Variants in WDR7 observed in about 807,000 individuals in gnomAD.
WDR7 encodes WD repeat domain 7, also known as WD repeat-containing protein 7.
Under a neutral mutation model 169.4 loss-of-function variants are expected in WDR7, and 46 were observed. The ratio of observed to expected loss-of-function variants is 0.27; its 90% CI spans 0.21 to 0.35. WDR7 has a LOEUF of 0.35. WDR7 is among the 10% of genes least tolerant of loss of function. WDR7 has a pLI of 1.00. For synonymous variants in WDR7, 612 were observed against 666.8 expected (o/e 0.92, Z 1.27); for missense variants, 1,534 against 1,859.3 (o/e 0.83, Z 3.22).
intron 26 of WDR7, among the ~76,000 whole-genome samples, chr18:56,969,173 T>C (rs2047450493): frequency 6.6e-6 from 1 of 152,224 alleles, no homozygotes; most frequent in African/African-American, 2.4e-5. Context: ...GCATCCTTTC[T>C]AACCTGCCTT....
chr18:56,866,572 A>G (rs1040810461), intron 20 of WDR7, among the ~76,000 whole-genome samples: 3 of 152,138 alleles, frequency 2.0e-5, no homozygotes, highest in African/African-American at 7.2e-5. Flanking sequence ...AATCAAAAAC[A>G]TTGGATTAAG....
intron 2 of WDR7, among the ~76,000 whole-genome samples, chr18:56,678,023 C>T (rs1408660668): frequency 9.9e-5 from 15 of 152,112 alleles, no homozygotes; most frequent in African/African-American, 3.4e-4. Context: ...TTTCTTTTCT[C>T]TGCTTGATCA....
intron 20 of WDR7, among the ~76,000 whole-genome samples, chr18:56,856,191 T>C (rs2045719042): frequency 6.6e-6 from 1 of 152,176 alleles, no homozygotes; most frequent in African/African-American, 2.4e-5. Context: ...AGATGGGCCT[T>C]TGTGTATATT....
At chr18:56,660,514 C>A (rs1338982182) in intron 1 of WDR7, among the ~76,000 whole-genome samples, 1 of 151,982 alleles carries the variant, frequency 6.6e-6, no homozygotes, top group Non-Finnish European at 1.5e-5. Flanking sequence ...TAAAACACTT[C>A]TGATCCCAAG....
intron 13 of WDR7, among the ~76,000 whole-genome samples, chr18:56,719,108 C>G (rs954791356): frequency 6.6e-6 from 1 of 152,178 alleles, no homozygotes; most frequent in Non-Finnish European, 1.5e-5. Context: ...ACCTTTCTTT[C>G]TCTTGTCTCT....
chr18:56,918,781 T>A (rs2046667646), intron 21 of WDR7, among the ~76,000 whole-genome samples: 1 of 152,236 alleles, frequency 6.6e-6, no homozygotes, highest in South Asian at 2.1e-4. Context: ...TAATTTTGAC[T>A]GTGCTAGGCA....
Position 56,935,867 on chromosome 18 carries a change from G to C in WDR7, c.3793G>C (p.Ala1265Pro). ...ARHALSLIAT[A>P]RPPAFITTIA... Reference sequence around the variant, plus strand: ...GCATGCCCTCTCGCTCATTGCCACCGCCAGACCACCCGCCTTCATCACCAC... The same window carrying C: ...GCATGCCCTCTCGCTCATTGCCACCCCCAGACCACCCGCCTTCATCACCAC... The change falls in exon 23 of 28, where the codon GCC becomes CCC. Residue 1265 changes from alanine (A) to proline (P), a missense_variant. Physicochemically the swap from Ala to Pro is conservative, Grantham distance 27. Coordinates refer to ENST00000254442, the MANE Select transcript of WDR7 (RefSeq NM_015285.3). The C allele has an allele frequency of 6.2e-7, 1 of 1,613,980 alleles. No homozygotes were observed. Among genetic ancestry groups the C allele is most frequent in the Non-Finnish European group, 8.5e-7 (1 of 1,179,982 alleles).
chr18:56,733,048 G>A (rs2026621963), intron 14 of WDR7, among the ~76,000 whole-genome samples: 1 of 152,182 alleles, frequency 6.6e-6, no homozygotes, highest in Non-Finnish European at 1.5e-5. Flanking sequence ...GGTCCATTAT[G>A]TGATTTTTAC....
At chr18:56,988,682 TA>T (rs757600407) in intron 26 of WDR7, among the ~76,000 whole-genome samples, 9 of 146,982 alleles carry the variant, frequency 6.1e-5, no homozygotes, top group Admixed American at 2.7e-4. Flanking sequence ...CCTACTCCAA[TA>T]AAAAAAATTG....
chr18:56,730,205 T>G (rs2026551882), intron 13 of WDR7, among the ~76,000 whole-genome samples: 1 of 152,192 alleles, frequency 6.6e-6, no homozygotes, highest in East Asian at 1.9e-4. Context: ...CAGTTTACAT[T>G]CTGGGTGGAG....
At chr18:56,730,744 C>T (rs2469456) in intron 13 of WDR7, among the ~76,000 whole-genome samples, 14,629 of 151,494 alleles carry the variant, frequency 0.097, 862 homozygotes, top group Non-Finnish European at 0.13. Context: ...CCAGCCTGGG[C>T]GACAGAGCGA....
intron 21 of WDR7, among the ~76,000 whole-genome samples, chr18:56,895,306 T>C (rs1262853182): frequency 6.6e-6 from 1 of 151,798 alleles, no homozygotes; most frequent in Non-Finnish European, 1.5e-5. Context: ...GAAAGACCCT[T>C]CTAACTAGTA....
intron 16 of WDR7, among the ~76,000 whole-genome samples, chr18:56,768,668 C>A (rs2145005991): frequency 6.6e-6 from 1 of 152,186 alleles, no homozygotes; most frequent in African/African-American, 2.4e-5. Context: ...TCTACTTTGG[C>A]TTTTCTTAGC....
chr18:56,729,147 A>G (rs1319096779), intron 13 of WDR7, among the ~76,000 whole-genome samples: 1 of 152,220 alleles, frequency 6.6e-6, no homozygotes, highest in African/African-American at 2.4e-5. Flanking sequence ...AAGCCTTTCC[A>G]TTATAACTAC....
chr18:56,974,518 G>A (rs1037671188), intron 26 of WDR7, among the ~76,000 whole-genome samples: 5 of 152,000 alleles, frequency 3.3e-5, no homozygotes, highest in Admixed American at 1.3e-4. Flanking sequence ...ACACACTACC[G>A]TTATTCAGCT....
At chr18:56,693,180 G>C (rs891585126) in intron 9 of WDR7, among the ~76,000 whole-genome samples, 1 of 152,186 alleles carries the variant, frequency 6.6e-6, no homozygotes, top group Non-Finnish European at 1.5e-5. Flanking sequence ...ACCAGTATTT[G>C]AATACAGTAA....
chr18:56,798,828 G>C (rs1488066318), intron 19 of WDR7, among the ~76,000 whole-genome samples: 1 of 152,076 alleles, frequency 6.6e-6, no homozygotes, highest in East Asian at 1.9e-4. Context: ...TGAGACATTT[G>C]TCAAAATTTC....
intron 6 of WDR7, among the ~76,000 whole-genome samples, chr18:56,686,476 C>G (rs961072688): frequency 1.3e-5 from 2 of 151,972 alleles, no homozygotes; most frequent in African/African-American, 4.8e-5. Context: ...AATTTTGATG[C>G]TACTCTCTTC....
At chr18:56,742,699 C>T (rs1228479567) in intron 14 of WDR7, among the ~76,000 whole-genome samples, 4 of 152,124 alleles carry the variant, frequency 2.6e-5, no homozygotes, top group African/African-American at 9.7e-5. Flanking sequence ...AAGCCTGTCT[C>T]AGCTTGAGGT....
Sources: gnomAD v4.1 joint callset for allele counts (sites outside exome capture counted in the v4.1 genomes callset) on GRCh38, gnomAD v4.1.1 for gene constraint, MANE v1.5 for transcripts, NCBI Gene and HGNC (gene_info 2026-07-23, HGNC 2026-07-21) for gene names.